Variants in PREX2 observed in about 807,000 individuals in gnomAD.
PREX2 encodes the protein phosphatidylinositol 3,4,5-trisphosphate-dependent Rac exchanger 2 protein.
A neutral mutation model predicts 203.2 loss-of-function variants in PREX2; 107 were observed. The observed-to-expected ratio is 0.53, with a 90% confidence interval of 0.45 to 0.62. The LOEUF is 0.62. Among genes scored for constraint, PREX2 ranks in the 20% least tolerant of loss-of-function variants. PREX2 has a pLI of 0.00. For missense variants in PREX2, 1,777 were observed against 1,955.9 expected, an observed-to-expected ratio of 0.91 and a Z score of 1.72; for synonymous variants, 672 against 663.6, an observed-to-expected ratio of 1.01 and a Z score of -0.19.
At chr8:68,090,216 A>T (rs1485454076) in intron 19 of PREX2, among the ~76,000 whole-genome samples, 1 of 152,234 alleles carries the variant, frequency 6.6e-6, no homozygotes, top group Non-Finnish European at 1.5e-5. Context: ...TGTAGAATAA[A>T]GGAAGGTAAG....
At chr8:68,036,883 C>A (rs6472371) in intron 6 of PREX2, among the ~76,000 whole-genome samples, 2 of 151,850 alleles carry the variant, frequency 1.3e-5, no homozygotes, top group Non-Finnish European at 2.9e-5. Context: ...GAGGTTGTGG[C>A]GAGCCAATAT....
intron 9 of PREX2, 44 bp from the exon 10 acceptor site, chr8:68,055,786 G>T (rs189553148): frequency 2.5e-5 from 39 of 1,569,394 alleles, no homozygotes; most frequent in Admixed American, 2.3e-4. Flanking sequence ...ATGAATGAAT[G>T]AAGAGAATTT....
At chr8:68,195,791 C>A (rs547485791) in intron 37 of PREX2, among the ~76,000 whole-genome samples, 13 of 152,166 alleles carry the variant, frequency 8.5e-5, no homozygotes, top group Non-Finnish European at 1.8e-4. Context: ...GTGGTATCTA[C>A]ATTAGATAGT....
chr8:68,021,707 T>G (rs1807572363), intron 3 of PREX2, among the ~76,000 whole-genome samples: 1 of 152,228 alleles, frequency 6.6e-6, no homozygotes, highest in South Asian at 2.1e-4. Flanking sequence ...ACAGCAAGAA[T>G]ATGTATGTAA....
intron 23 of PREX2, chr8:68,103,515 A>C (rs1246218421): frequency 1.9e-6 from 1 of 518,222 alleles, no homozygotes; most frequent in East Asian, 5.5e-5. Context: ...CCTACATTAA[A>C]AAGAAATAGC....
intron 35 of PREX2, among the ~76,000 whole-genome samples, chr8:68,166,349 G>A (rs1305138010): frequency 6.6e-6 from 1 of 152,108 alleles, no homozygotes; most frequent in Non-Finnish European, 1.5e-5. Context: ...TCTGAAATCT[G>A]CCAAGTTATG....
intron 14 of PREX2, among the ~76,000 whole-genome samples, chr8:68,076,064 A>G (rs2129611760): frequency 6.6e-6 from 1 of 152,314 alleles, no homozygotes; most frequent in South Asian, 2.1e-4. Flanking sequence ...GCATAAAACC[A>G]AGATATGGAA....
At chr8:67,968,403 C>T (rs1459820336) in intron 1 of PREX2, among the ~76,000 whole-genome samples, 19 of 152,190 alleles carry the variant, frequency 1.2e-4, no homozygotes, top group East Asian at 3.9e-4. Context: ...CAGCCTTTTG[C>T]GGAGCTTCAT....
At position 68,138,286 on chromosome 8, in the gene PREX2, A is replaced by C. The variant is rs116342740; in HGVS notation, c.3985-129A>C. 4.3e-3 allele frequency: 1,795 copies of C among 418,152 alleles called. 32 individuals carry two copies. The highest frequency in any genetic ancestry group is 0.034 in the African/African-American group (1,659 of 48,620). 25.9% of individuals were successfully genotyped at this position (418,152 alleles called of 1,614,324 possible). On this transcript the variant is annotated intron_variant, in intron 32 of 39. Transcript: ENST00000288368. The stretch of plus-strand genomic sequence containing the variant: ...AGTAAATTATTACAGAAGTCTTTAT[A>C]ATTTTGTTTTGTACCTGTATATAAA...
chr8:68,133,967 A>T lies in PREX2; in HGVS notation c.3767-92A>T, dbSNP rs191754521. 1.6e-5 allele frequency: 16 copies of T among 977,120 alleles called. No individual in the cohort carries two copies. The African/African-American group carries it at 1.9e-4, about 12-fold the overall frequency. The allele number at this position is 977,120 out of a possible 1,614,324, so 60.5% of individuals were successfully genotyped here. A position where few individuals can be genotyped will look rare whatever the true frequency, so the allele number is the denominator to read the frequency against. On this transcript the variant is annotated intron_variant, in intron 31 of 39. Coordinates refer to ENST00000288368, the MANE Select transcript of PREX2 (RefSeq NM_024870.4). The stretch of plus-strand genomic sequence containing the variant: ...TCACATGCGTGAGTTTAGTGAAAAG[A>T]TGAAATGCTAGTGAATGTAGATGCT...
intron 31 of PREX2, among the ~76,000 whole-genome samples, chr8:68,131,324 T>G (rs1420041798): frequency 6.6e-6 from 1 of 152,208 alleles, no homozygotes; most frequent in Non-Finnish European, 1.5e-5. Flanking sequence ...GCTCTTGATA[T>G]AATATGTACA....
intron 37 of PREX2, among the ~76,000 whole-genome samples, chr8:68,200,304 A>G (rs1812476399): frequency 6.6e-6 from 1 of 152,284 alleles, no homozygotes; most frequent in East Asian, 1.9e-4. Context: ...TATCCTACTC[A>G]TGATAAATTG....
chr8:68,120,814 A>G (rs942960362), intron 29 of PREX2, 107 bp from the exon 30 acceptor site: 1 of 867,234 alleles, frequency 1.2e-6, no homozygotes, highest in Non-Finnish European at 1.7e-6. Context: ...AATGACCACC[A>G]TGTCAATAGT....
At chr8:68,035,785 T>C (rs1808008684) in intron 6 of PREX2, among the ~76,000 whole-genome samples, 1 of 152,152 alleles carries the variant, frequency 6.6e-6, no homozygotes, top group African/African-American at 2.4e-5. Context: ...AAAGGTGATA[T>C]TGCACTAATT....
chr8:68,139,375 C>T (rs1277409084), intron 33 of PREX2, among the ~76,000 whole-genome samples: 2 of 152,068 alleles, frequency 1.3e-5, no homozygotes, highest in Non-Finnish European at 2.9e-5. Flanking sequence ...GCAGACATGG[C>T]ATGCTCTCAG....
At position 68,090,687 on chromosome 8, in the gene PREX2, C is replaced by G. The variant is rs1480903947; in HGVS notation, c.2222C>G (p.Ala741Gly). 5 of 1,613,794 alleles carry G rather than the reference C, an allele frequency of 3.1e-6. No homozygotes were observed. The highest frequency in any genetic ancestry group is 4.2e-6 in the Non-Finnish European group (5 of 1,179,796). ...GCCAGTGTCATTGCACACGTTACAG[C>G]CTGCAGGAAGTACAGGCGGCCAACG... The part of the protein sequence containing the change: ...THASVIAHVT[A>G]CRKYRRPTKQ... Residue 741 changes from alanine (A) to glycine (G), a missense_variant, in exon 20 of 40, where the codon GCC becomes GGC. Physicochemically the swap from Ala to Gly is moderately conservative, Grantham distance 60 (BLOSUM62 0). Coordinates refer to ENST00000288368, the MANE Select transcript of PREX2 (RefSeq NM_024870.4).
chr8:68,191,617 T>C (rs1812295908), intron 35 of PREX2, 105 bp from the exon 36 acceptor site: 1 of 786,146 alleles, frequency 1.3e-6, no homozygotes, highest in East Asian at 2.6e-5. Flanking sequence ...ATGCTTTTGT[T>C]TATTCACTTG....
chr8:68,070,026 A>G, intron 13 of PREX2, 142 bp downstream of exon 13: 1 of 435,138 alleles, frequency 2.3e-6, no homozygotes, highest in South Asian at 5.8e-5. Context: ...GGAATAATTT[A>G]TTGTAAAATA....
intron 18 of PREX2, among the ~76,000 whole-genome samples, chr8:68,087,202 C>T (rs1274613861): frequency 1.3e-5 from 2 of 152,120 alleles, no homozygotes; most frequent in Non-Finnish European, 2.9e-5. Flanking sequence ...AAGTTATCCA[C>T]CTACAAACTG....
Sources: allele counts gnomAD v4.1 joint callset (sites outside exome capture counted in the v4.1 genomes callset), GRCh38; gene constraint gnomAD v4.1.1; transcripts MANE v1.5; gene names NCBI Gene and HGNC (gene_info 2026-07-23, HGNC 2026-07-21).